Variants in MYO1D observed in about 807,000 individuals in gnomAD.
MYO1D encodes the protein unconventional myosin-Id.
A neutral mutation model predicts 122.0 loss-of-function variants in MYO1D; 83 were observed. That is an observed-to-expected ratio of 0.68 (90% CI 0.57 to 0.82). MYO1D has a LOEUF of 0.82. MYO1D is among the 40% of genes least tolerant of loss of function. The pLI is 0.00. For missense variants in MYO1D, 1,157 were observed against 1,269.5 expected (o/e 0.91, Z 1.35); for synonymous variants, 464 against 446.9 (o/e 1.04, Z -0.48).
intron 20 of MYO1D, among the ~76,000 whole-genome samples, chr17:32,613,789 CAAAAAAAAAAAAAAAAA>C (rs60701225): frequency 5.9e-5 from 3 of 51,042 alleles, no homozygotes; most frequent in African/African-American, 2.4e-4. Flanking sequence ...GATTCCATCT[CAAAAAAAAAAAAAAAAA>C]AAAAAAAAGA....
At chr17:32,809,286 A>G (rs1048367371) in intron 1 of MYO1D, among the ~76,000 whole-genome samples, 8 of 151,626 alleles carry the variant, frequency 5.3e-5, no homozygotes. Context: ...ACCCAACTAA[A>G]TTTTTTTGTT....
At chr17:32,524,875 T>C (rs965386458) in intron 21 of MYO1D, among the ~76,000 whole-genome samples, 5 of 152,172 alleles carry the variant, frequency 3.3e-5, no homozygotes, top group Admixed American at 6.5e-5. Flanking sequence ...CTAATTCTTT[T>C]AATTTTTAGT....
chr17:32,655,537 G>A (rs1049883364), intron 17 of MYO1D, among the ~76,000 whole-genome samples: 10 of 152,150 alleles, frequency 6.6e-5, no homozygotes, highest in Admixed American at 6.5e-5. Flanking sequence ...AGGCCGTGAG[G>A]GAGCTGGTCA....
At chr17:32,830,859 A>G (rs1268463498) in intron 1 of MYO1D, among the ~76,000 whole-genome samples, 1 of 152,188 alleles carries the variant, frequency 6.6e-6, no homozygotes, top group Non-Finnish European at 1.5e-5. Flanking sequence ...GGAGATGGAG[A>G]CCAACCTGTG....
chr17:32,854,810 C>T (rs528093849), intron 1 of MYO1D, among the ~76,000 whole-genome samples: 3 of 152,166 alleles, frequency 2.0e-5, no homozygotes, highest in Non-Finnish European at 2.9e-5. Flanking sequence ...ACTATAGCTA[C>T]AGAATACATG....
chr17:32,760,747 C>T (rs780297548), intron 8 of MYO1D, 120 bp from the exon 9 acceptor site: 11 of 1,020,980 alleles, frequency 1.1e-5, no homozygotes, highest in Non-Finnish European at 1.5e-5. Context: ...CATTACTGGC[C>T]TCAGCAGAAC....
In MYO1D at chr17:32,593,402, G is replaced by T. The variant is rs140376391; in HGVS notation, c.2864+11685C>A. ...CATGCTTTCTGAGGCTCGTTTGTCTGCTAAACACAAATGACAACTTGGTTG... is the reference window on the plus strand; with the variant it reads ...CATGCTTTCTGAGGCTCGTTTGTCTTCTAAACACAAATGACAACTTGGTTG... On this transcript the variant is annotated intron_variant, in intron 21 of 21. Transcript: ENST00000318217. Among the ~76,000 whole-genome samples, 140 of 152,260 alleles carry T rather than the reference G, an allele frequency of 9.2e-4. 3 individuals are homozygous for T. The East Asian group carries it at 0.021, about 23-fold the overall frequency.
At chr17:32,766,069 T>C (rs1472409078) in intron 7 of MYO1D, among the ~76,000 whole-genome samples, 1 of 151,842 alleles carries the variant, frequency 6.6e-6, no homozygotes, top group African/African-American at 2.4e-5. Context: ...ATTTTTTGTA[T>C]AGATGGGGTT....
At chr17:32,581,418 C>G (rs1194715293) in intron 21 of MYO1D, among the ~76,000 whole-genome samples, 1 of 151,642 alleles carries the variant, frequency 6.6e-6, no homozygotes, top group Non-Finnish European at 1.5e-5. Flanking sequence ...TCATTGGTTT[C>G]TGTTCTGACC....
At chr17:32,841,090 G>T (rs2090875556) in intron 1 of MYO1D, among the ~76,000 whole-genome samples, 1 of 152,220 alleles carries the variant, frequency 6.6e-6, no homozygotes, top group Admixed American at 6.5e-5. Flanking sequence ...GCTAGGCTGA[G>T]CTACGATGTT....
At chr17:32,771,276 A>G in intron 5 of MYO1D, 56 bp from the exon 6 acceptor site, 1 of 1,200,392 alleles carries the variant, frequency 8.3e-7, no homozygotes, top group African/African-American at 1.5e-5. Flanking sequence ...ACCAAACATG[A>G]ACTTAGTGGT....
In MYO1D at chr17:32,633,587, C is replaced by T. The variant is rs1265671745; in HGVS notation, c.2709+5135G>A. ...TTTTTATTAGGGTATAACATGCATG[C>T]CCTAGAGTGCACAAATCTCAAGTAA... On this transcript the variant is annotated intron_variant, in intron 20 of 21. Coordinates refer to ENST00000318217, the MANE Select transcript of MYO1D (RefSeq NM_015194.3). Among the ~76,000 whole-genome samples, 3 of 152,004 alleles carry T rather than the reference C, an allele frequency of 2.0e-5. No homozygotes were observed. In the East Asian group the frequency reaches 5.8e-4, roughly 29 times the overall value.
intron 16 of MYO1D, among the ~76,000 whole-genome samples, chr17:32,677,371 T>C (rs984764935): frequency 6.6e-6 from 1 of 152,076 alleles, no homozygotes; most frequent in East Asian, 1.9e-4. Flanking sequence ...AAATGCCCAC[T>C]AAAGCTCTGG....
At chr17:32,624,871 A>T in intron 20 of MYO1D, among the ~76,000 whole-genome samples, 1 of 149,832 alleles carries the variant, frequency 6.7e-6, no homozygotes, top group Non-Finnish European at 1.5e-5. Context: ...GCTCACTGCA[A>T]CCTCCGCCTC....
intron 19 of MYO1D, among the ~76,000 whole-genome samples, chr17:32,647,217 G>A (rs1330106133): frequency 6.6e-6 from 1 of 152,192 alleles, no homozygotes; most frequent in Non-Finnish European, 1.5e-5. Flanking sequence ...CACCTTAAAG[G>A]ACATTTTATA....
intron 1 of MYO1D, among the ~76,000 whole-genome samples, chr17:32,871,994 C>T (rs1392506770): frequency 6.6e-6 from 1 of 152,114 alleles, no homozygotes; most frequent in Non-Finnish European, 1.5e-5. Flanking sequence ...AAGTGGTCAT[C>T]AGGGTTGCTG....
intron 21 of MYO1D, among the ~76,000 whole-genome samples, chr17:32,550,022 T>G (rs2086997681): frequency 6.6e-6 from 1 of 152,160 alleles, no homozygotes; most frequent in South Asian, 2.1e-4. Context: ...AAAAGATCAG[T>G]ATTAATAATA....
At chr17:32,817,082 T>G (rs1298604951) in intron 1 of MYO1D, among the ~76,000 whole-genome samples, 1 of 152,194 alleles carries the variant, frequency 6.6e-6, no homozygotes, top group Non-Finnish European at 1.5e-5. Context: ...ATCTGCTAGC[T>G]ACTTCACAGT....
intron 1 of MYO1D, among the ~76,000 whole-genome samples, chr17:32,828,534 A>G (rs2090744127): frequency 1.3e-5 from 2 of 151,356 alleles, no homozygotes; most frequent in East Asian, 1.9e-4. Flanking sequence ...AAAAAAAAAA[A>G]AAAAAGAAAG....
Sources: allele counts gnomAD v4.1 joint callset (sites outside exome capture counted in the v4.1 genomes callset), GRCh38; gene constraint gnomAD v4.1.1; transcripts MANE v1.5; gene names NCBI Gene and HGNC (gene_info 2026-07-23, HGNC 2026-07-21).